Variants in NFATC1 observed in about 807,000 individuals in gnomAD.
The protein encoded by NFATC1 is nuclear factor of activated T-cells, cytoplasmic 1.
A neutral mutation model predicts 76.0 loss-of-function variants in NFATC1; 22 were observed. That is an observed-to-expected ratio of 0.29 (90% CI 0.21 to 0.41). NFATC1 has a LOEUF of 0.41. Ranked by LOEUF, NFATC1 falls within the 10% of genes least tolerant of loss-of-function variation. NFATC1 has a pLI of 1.00. For missense variants in NFATC1, 1,357 were observed against 1,337.7 expected (o/e 1.01, Z -0.23); for synonymous variants, 704 against 613.1 (o/e 1.15, Z -2.19).
At chr18:79,429,314 G>A (rs954341958) in intron 2 of NFATC1, among the ~76,000 whole-genome samples, 6 of 151,378 alleles carry the variant, frequency 4.0e-5, no homozygotes, top group Admixed American at 2.6e-4. Flanking sequence ...CCGGGTGGAC[G>A]TTCGTCGGTC....
At chr18:79,515,992 C>T (rs1416622190) in intron 9 of NFATC1, 2 of 151,364 alleles carry the variant, frequency 1.3e-5, no homozygotes, top group Non-Finnish European at 2.9e-5. Flanking sequence ...AAACACGCGC[C>T]CGCATGCCGT....
In NFATC1 at chr18:79,524,554, G is replaced by C. The variant is rs2090699826; in HGVS notation, c.2783-2974G>C. Among the ~76,000 whole-genome samples the C allele has an allele frequency of 6.6e-6, 1 of 152,202 alleles. No individual in the cohort carries two copies. The highest frequency in any genetic ancestry group is 1.5e-5 in the Non-Finnish European group (1 of 68,026). On this transcript the variant is annotated intron_variant, in intron 9 of 9. Coordinates refer to ENST00000427363, the MANE Select transcript of NFATC1 (RefSeq NM_001278669.2). This position sits in a 1 kb window ranked among gnomAD's most constrained non-coding sequence, Gnocchi z 7.2. ...CCTTGTGGAACACACTTGACCCGGC[G>C]CTGGGACGGGGTCGGCCCACACGCA...
chr18:79,432,304 C>CA (rs2086617704), intron 2 of NFATC1, among the ~76,000 whole-genome samples: 1 of 60,298 alleles, frequency 1.7e-5, no homozygotes, highest in Admixed American at 1.9e-4. Flanking sequence ...GAGCCCCGGC[C>CA]CACGGTGCTC....
rs144731745 is a variant in NFATC1 at position 79,484,352 on chromosome 18, G to A, written c.2093-1896G>A. Among the ~76,000 whole-genome samples, 1,340 of 152,184 alleles carry A rather than the reference G, an allele frequency of 8.8e-3. 13 individuals are homozygous for A. The highest frequency in any genetic ancestry group is 0.014 in the Non-Finnish European group (936 of 67,992). On this transcript the variant is annotated intron_variant, in intron 8 of 9. Transcript: ENST00000427363. ...CCCTGGTCAGTGAGCTGCAGGCTGC[G>A]TCCTGGGAAGGCCTTGGAATCACAA...
chr18:79,402,191 G>C (rs1013452516), intron 1 of NFATC1, among the ~76,000 whole-genome samples: 3 of 152,248 alleles, frequency 2.0e-5, no homozygotes, highest in Non-Finnish European at 4.4e-5. Flanking sequence ...TGACTGCACA[G>C]GTAACTCCAG....
chr18:79,450,183 C>T (rs565606412), intron 4 of NFATC1, among the ~76,000 whole-genome samples: 7 of 152,160 alleles, frequency 4.6e-5, no homozygotes, highest in South Asian at 2.1e-4. Context: ...CGTGGGTGGT[C>T]GGGGAGTCTG....
Position 79,411,510 on chromosome 18 carries a change from GC to G in NFATC1, c.1226+10del, listed in dbSNP as rs2085680674. Reference sequence around the variant, plus strand: ...CCTACGTCCTACATGAGGTGAGCCGGCAGCGCGGGGCGGGACGGGGAGGCGA... The same window carrying G: ...CCTACGTCCTACATGAGGTGAGCCGGAGCGCGGGGCGGGACGGGGAGGCGA... On this transcript the variant is annotated intron_variant, in intron 2 of 9. Transcript: ENST00000427363. The G allele has an allele frequency of 6.8e-7, 1 of 1,463,160 alleles. No homozygotes were observed. The highest frequency in any genetic ancestry group is 9.0e-7 in the Non-Finnish European group (1 of 1,109,458). 90.6% of individuals were successfully genotyped at this position (1,463,160 alleles called of 1,614,324 possible). A position where few individuals can be genotyped will look rare whatever the true frequency, so the allele number is the denominator to read the frequency against.
At chr18:79,527,347 G>T (rs1202160237) in intron 9 of NFATC1, 181 bp from the exon 10 acceptor site, 4 of 577,600 alleles carry the variant, frequency 6.9e-6, no homozygotes, top group Non-Finnish European at 6.2e-6. Flanking sequence ...CTCTGCCGAG[G>T]CAGCCAGGCA....
chr18:79,401,901 GC>G (rs1257237617), intron 1 of NFATC1, among the ~76,000 whole-genome samples: 1 of 152,354 alleles, frequency 6.6e-6, no homozygotes, highest in East Asian at 1.9e-4. Flanking sequence ...GGCCCAGGGG[GC>G]CTGCAGGACA....
At chr18:79,418,410 C>G (rs537350331) in intron 2 of NFATC1, among the ~76,000 whole-genome samples, 3 of 152,334 alleles carry the variant, frequency 2.0e-5, no homozygotes, top group Admixed American at 2.0e-4. Flanking sequence ...GTGCTGGGAC[C>G]CCGACTCCCA....
At chr18:79,423,980 T>C (rs115007310) in intron 2 of NFATC1, among the ~76,000 whole-genome samples, 12 of 152,236 alleles carry the variant, frequency 7.9e-5, no homozygotes, top group Admixed American at 1.3e-4. Flanking sequence ...CAGGCCCCCC[T>C]CTGACTCCTG....
chr18:79,497,315 A>G (rs2089914020), intron 9 of NFATC1: 1 of 152,264 alleles, frequency 6.6e-6, no homozygotes, highest in Admixed American at 6.5e-5. Flanking sequence ...CATTCACTCA[A>G]GGAAGAGCGG....
At position 79,467,601 on chromosome 18, in the gene NFATC1, C is replaced by G; in HGVS notation, c.2092+19C>G. On this transcript the variant is annotated intron_variant, in intron 8 of 9. Transcript: ENST00000427363. ...GCCAACGGTAACGCCATCTTTCTAA[C>G]CGTAAGCCGTGAACATGAGCGCGTG... is the stretch of plus-strand genomic sequence containing the variant. The G allele has an allele frequency of 6.2e-7, 1 of 1,613,544 alleles. No individual in the cohort carries two copies. Among genetic ancestry groups the G allele is most frequent in the Non-Finnish European group, 8.5e-7 (1 of 1,179,748 alleles).
At chr18:79,437,756 C>T (rs569617288) in intron 3 of NFATC1, among the ~76,000 whole-genome samples, 20 of 152,352 alleles carry the variant, frequency 1.3e-4, no homozygotes, top group African/African-American at 4.8e-4. Flanking sequence ...AGTCTCCTCA[C>T]CCTGGAGGGC....
chr18:79,445,855 C>T (rs950481765), intron 3 of NFATC1, among the ~76,000 whole-genome samples: 2 of 152,182 alleles, frequency 1.3e-5, no homozygotes, highest in Non-Finnish European at 2.9e-5. Flanking sequence ...CCACACCTCC[C>T]TCCCCTGGGT....
At chr18:79,523,442 A>G (rs1460968762) in intron 9 of NFATC1, among the ~76,000 whole-genome samples, 1 of 152,276 alleles carries the variant, frequency 6.6e-6, no homozygotes, top group Non-Finnish European at 1.5e-5. Context: ...ATGATCAAAA[A>G]GAAGAAACTG....
chr18:79,460,848 G>A (rs928581354), intron 6 of NFATC1, among the ~76,000 whole-genome samples: 1 of 152,154 alleles, frequency 6.6e-6, no homozygotes, highest in African/African-American at 2.4e-5. Context: ...GCAGAGCCGG[G>A]TCCCAGGTCC....
At chr18:79,457,345 A>G (rs1297501353) in intron 6 of NFATC1, among the ~76,000 whole-genome samples, 1 of 152,164 alleles carries the variant, frequency 6.6e-6, no homozygotes, top group Non-Finnish European at 1.5e-5. Context: ...GTTCTCATCA[A>G]GCCGCATTCT....
chr18:79,437,652 G>A (rs1459984438), intron 3 of NFATC1, among the ~76,000 whole-genome samples: 1 of 152,244 alleles, frequency 6.6e-6, no homozygotes, highest in African/African-American at 2.4e-5. Context: ...TGAGTGTCCT[G>A]ATGGTGGCAC....
Sources: allele counts gnomAD v4.1 joint callset (sites outside exome capture counted in the v4.1 genomes callset), GRCh38; gene constraint gnomAD v4.1.1; non-coding constraint Gnocchi (gnomAD v3.1); transcripts MANE v1.5; gene names NCBI Gene and HGNC (gene_info 2026-07-23, HGNC 2026-07-21).